Variants in CCSER1 observed in about 807,000 individuals in gnomAD.
The protein encoded by CCSER1 is coiled-coil serine rich protein 1.
Under a neutral mutation model 82.0 loss-of-function variants are expected in CCSER1, and 41 were observed. That is an observed-to-expected ratio of 0.50 (90% CI 0.39 to 0.65). The LOEUF (loss-of-function observed/expected upper bound fraction) is 0.65. CCSER1 is among the 30% of genes least tolerant of loss of function. CCSER1 has a pLI of 0.00. For missense variants in CCSER1, 1,119 were observed against 1,064.2 expected, an observed-to-expected ratio of 1.05 and a Z score of -0.72; for synonymous variants, 414 against 383.9, an observed-to-expected ratio of 1.08 and a Z score of -0.92.
chr4:91,433,568 G>A (rs1754456188), intron 10 of CCSER1, among the ~76,000 whole-genome samples: 1 of 152,092 alleles, frequency 6.6e-6, no homozygotes, highest in South Asian at 2.1e-4. Flanking sequence ...ATAGACATAT[G>A]TTTGGATACA....
intron 10 of CCSER1, among the ~76,000 whole-genome samples, chr4:91,509,861 T>G (rs991214289): frequency 6.6e-6 from 1 of 152,122 alleles, no homozygotes; most frequent in African/African-American, 2.4e-5. Context: ...TAATTTCAAC[T>G]TTTATTTTAG....
At chr4:91,451,280 G>C (rs1021950621) in intron 10 of CCSER1, among the ~76,000 whole-genome samples, 1 of 151,950 alleles carries the variant, frequency 6.6e-6, no homozygotes, top group Admixed American at 6.6e-5. Flanking sequence ...GAAAATTTAA[G>C]GGCTTCAAAC....
intron 10 of CCSER1, among the ~76,000 whole-genome samples, chr4:91,277,549 T>C (rs1742573418): frequency 6.7e-6 from 1 of 149,168 alleles, no homozygotes; most frequent in South Asian, 2.1e-4. Context: ...TTTTGGCTTC[T>C]GATTTTATTT....
intron 7 of CCSER1, among the ~76,000 whole-genome samples, chr4:90,805,646 G>A (rs1417387860): frequency 6.6e-6 from 1 of 152,104 alleles, no homozygotes; most frequent in East Asian, 1.9e-4. Context: ...CTACCACACT[G>A]AGTTCCATAT....
intron 5 of CCSER1, among the ~76,000 whole-genome samples, chr4:90,622,019 C>G (rs950660423): frequency 6.6e-6 from 1 of 152,112 alleles, no homozygotes; most frequent in African/African-American, 2.4e-5. Context: ...CTGGCTTTTC[C>G]TTTTGTACTG....
intron 10 of CCSER1, among the ~76,000 whole-genome samples, chr4:91,148,442 C>T (rs946260004): frequency 3.3e-5 from 5 of 151,768 alleles, no homozygotes; most frequent in Non-Finnish European, 7.4e-5. Flanking sequence ...ATTAGTATTT[C>T]TTGAAAGCTT....
rs1039892193 is a variant in CCSER1, at chr4:91,602,531, G to T, written c.*3474G>T. 5.3e-5 allele frequency among the ~76,000 whole-genome samples: 8 copies of T among 151,938 alleles called. No homozygotes were observed. Among genetic ancestry groups the T allele is most frequent in the African/African-American group, 1.9e-4 (8 of 41,420 alleles). On this transcript the variant is annotated 3_prime_UTR_variant, in exon 11 of 11. Transcript: ENST00000509176. ...TTAGGATTATCTCTGCACATCATTCGTCATCATCAGCTTCTCATTATAAAG... is the reference window on the plus strand; with the variant it reads ...TTAGGATTATCTCTGCACATCATTCTTCATCATCAGCTTCTCATTATAAAG...
chr4:90,239,759 G>A (rs1340640435), intron 1 of CCSER1, among the ~76,000 whole-genome samples: 1 of 152,096 alleles, frequency 6.6e-6, no homozygotes, highest in Non-Finnish European at 1.5e-5. Context: ...TTATAGGCAC[G>A]ATCCTGCACC....
intron 7 of CCSER1, among the ~76,000 whole-genome samples, chr4:90,793,837 T>C (rs1755610997): frequency 6.6e-6 from 1 of 152,192 alleles, no homozygotes; most frequent in South Asian, 2.1e-4. Flanking sequence ...AGCTGTTATT[T>C]TTTGACTTCT....
At chr4:90,158,595 C>T (rs1277825216) in intron 1 of CCSER1, among the ~76,000 whole-genome samples, 4 of 152,206 alleles carry the variant, frequency 2.6e-5, no homozygotes, top group African/African-American at 9.6e-5. Context: ...GGCTCCCCTC[C>T]CCAGCCTGGC....
chr4:90,353,070 C>T (rs923918112), intron 3 of CCSER1, among the ~76,000 whole-genome samples: 3 of 152,116 alleles, frequency 2.0e-5, no homozygotes, highest in Non-Finnish European at 4.4e-5. Context: ...AGGAACATCA[C>T]GAATGTAGGA....
chr4:90,560,837 A>G (rs948159961), intron 5 of CCSER1, among the ~76,000 whole-genome samples: 1 of 152,132 alleles, frequency 6.6e-6, no homozygotes, highest in Non-Finnish European at 1.5e-5. Flanking sequence ...AAGACTGAAA[A>G]TGTTGCTAAT....
intron 10 of CCSER1, among the ~76,000 whole-genome samples, chr4:91,221,498 T>C (rs866763677): frequency 1.3e-5 from 2 of 152,168 alleles, no homozygotes; most frequent in Non-Finnish European, 2.9e-5. Flanking sequence ...TAAAAGGTTA[T>C]GCACATTTTC....
chr4:91,464,340 G>A (rs1470204318), intron 10 of CCSER1, among the ~76,000 whole-genome samples: 1 of 152,088 alleles, frequency 6.6e-6, no homozygotes, highest in Non-Finnish European at 1.5e-5. Flanking sequence ...CCCTACAAGA[G>A]CTCCTAAAGG....
At chr4:91,064,160 A>T (rs569439628) in intron 9 of CCSER1, among the ~76,000 whole-genome samples, 8 of 152,198 alleles carry the variant, frequency 5.3e-5, no homozygotes, top group Non-Finnish European at 1.2e-4. Flanking sequence ...TTTCTGTGTA[A>T]CATTGGGTTA....
intron 3 of CCSER1, among the ~76,000 whole-genome samples, chr4:90,366,758 C>T (rs1746357647): frequency 6.6e-6 from 1 of 151,696 alleles, no homozygotes; most frequent in South Asian, 2.1e-4. Context: ...GGACACAGTT[C>T]AGGAGATTTC....
intron 7 of CCSER1, chr4:90,724,969 T>C: frequency 2.3e-6 from 1 of 430,312 alleles, no homozygotes; most frequent in Non-Finnish European, 4.6e-6. Context: ...TGAGAGTATT[T>C]AGTTTTCTAA....
At chr4:91,415,835 A>G (rs1415855509) in intron 10 of CCSER1, among the ~76,000 whole-genome samples, 2 of 152,192 alleles carry the variant, frequency 1.3e-5, no homozygotes, top group East Asian at 1.9e-4. Flanking sequence ...GGATTTTTGC[A>G]TTGATGTTCA....
At chr4:91,419,020 A>G (rs1359869016) in intron 10 of CCSER1, among the ~76,000 whole-genome samples, 1 of 152,044 alleles carries the variant, frequency 6.6e-6, no homozygotes, top group African/African-American at 2.4e-5. Flanking sequence ...TAGATGCATA[A>G]AAATTTTTCA....
Sources: gnomAD v4.1 joint callset for allele counts (sites outside exome capture counted in the v4.1 genomes callset) on GRCh38, gnomAD v4.1.1 for gene constraint, MANE v1.5 for transcripts, NCBI Gene and HGNC (gene_info 2026-07-23, HGNC 2026-07-21) for gene names.